The following TBC1D5 variants were observed in gnomAD, a reference collection of about 807,000 sequenced individuals.
TBC1D5 encodes the protein TBC1 domain family member 5, also known as TBC1 domain family, member 5.
TBC1D5 carries 75 observed loss-of-function variants against 100.3 expected under a neutral mutation model. The ratio of observed to expected loss-of-function variants is 0.75; its 90% CI spans 0.62 to 0.91. TBC1D5 has a LOEUF of 0.91. Ranked by LOEUF, TBC1D5 falls within the 40% of genes least tolerant of loss-of-function variation. The probability of loss-of-function intolerance (pLI) is 0.00; values close to 1 mark genes in which losing one functional copy is unlikely to be tolerated. For missense variants in TBC1D5, 910 were observed against 942.4 expected, an observed-to-expected ratio of 0.97 and a Z score of 0.45; for synonymous variants, 323 against 325.6, an observed-to-expected ratio of 0.99 and a Z score of 0.09.
intron 3 of TBC1D5, among the ~76,000 whole-genome samples, chr3:17,453,567 T>G (rs957081924): frequency 6.6e-6 from 1 of 152,150 alleles, no homozygotes; most frequent in African/African-American, 2.4e-5. Flanking sequence ...AATGTTTAAA[T>G]TCCTAGACAC....
intron 1 of TBC1D5, among the ~76,000 whole-genome samples, chr3:17,704,175 C>T (rs2073632990): frequency 7.2e-6 from 1 of 138,568 alleles, no homozygotes; most frequent in Non-Finnish European, 1.6e-5. Context: ...CATCTTGCAC[C>T]GCCCTTAATC....
intron 13 of TBC1D5, among the ~76,000 whole-genome samples, chr3:17,371,473 G>C (rs1040844990): frequency 3.3e-5 from 5 of 152,160 alleles, no homozygotes; most frequent in Admixed American, 2.6e-4. Flanking sequence ...AATAATTATG[G>C]CTCTGAGTTA....
chr3:17,694,292 C>T (rs1457521590), intron 1 of TBC1D5, among the ~76,000 whole-genome samples: 1 of 152,170 alleles, frequency 6.6e-6, no homozygotes, highest in East Asian at 1.9e-4. Flanking sequence ...TAATAACAAA[C>T]TTTTCCGAGC....
chr3:17,637,188 A>ATTTTT lies in TBC1D5; in HGVS notation c.-100-13280_-100-13276dup, dbSNP rs1186523023. Among the ~76,000 whole-genome samples the ATTTTT allele has an allele frequency of 9.4e-4, 90 of 95,486 alleles. 1 individual carries two copies. The highest frequency in any genetic ancestry group is 1.6e-3 in the East Asian group (5 of 3,088). 62.6% of individuals were successfully genotyped at this position (95,486 alleles called of 152,430 possible). ...GGGTGTGTGCCACCATGCCCGACTA[A>ATTTTT]TTTTTTTTTTTTTTTTTTTTTTTTT... is the stretch of plus-strand genomic sequence containing the variant. On this transcript the variant is annotated intron_variant, in intron 1 of 21. Transcript: ENST00000253692.
intron 1 of TBC1D5, among the ~76,000 whole-genome samples, chr3:17,636,150 G>T (rs186355538): frequency 6.6e-6 from 1 of 152,124 alleles, no homozygotes; most frequent in East Asian, 1.9e-4. Flanking sequence ...TTTCGCTGCT[G>T]TACTCTAGCC....
At chr3:17,183,092 G>A (rs989830651) in intron 19 of TBC1D5, among the ~76,000 whole-genome samples, 3 of 152,112 alleles carry the variant, frequency 2.0e-5, no homozygotes, top group African/African-American at 7.2e-5. Flanking sequence ...CCTCCAGTAT[G>A]CCTGAGATGA....
chr3:17,168,664 G>A (rs2066880520), intron 19 of TBC1D5, among the ~76,000 whole-genome samples: 1 of 152,162 alleles, frequency 6.6e-6, no homozygotes, highest in Admixed American at 6.5e-5. Flanking sequence ...ATGTGCTGGT[G>A]GAGGAAGGGA....
chr3:17,528,623 A>AC (rs560601391), intron 2 of TBC1D5, among the ~76,000 whole-genome samples: 234 of 151,872 alleles, frequency 1.5e-3, no homozygotes, highest in African/African-American at 5.3e-3. Flanking sequence ...CTCCTCTTTC[A>AC]CCCCCCCATT....
At chr3:17,674,009 T>G (rs1024070675) in intron 1 of TBC1D5, among the ~76,000 whole-genome samples, 1 of 152,206 alleles carries the variant, frequency 6.6e-6, no homozygotes, top group African/African-American at 2.4e-5. Flanking sequence ...CCCAATTCCT[T>G]GACTCTGACT....
intron 3 of TBC1D5, among the ~76,000 whole-genome samples, chr3:17,472,890 A>G (rs896985930): frequency 1.3e-5 from 2 of 152,244 alleles, no homozygotes; most frequent in East Asian, 1.9e-4. Flanking sequence ...CTAAATATTA[A>G]CATTAATGCC....
intron 17 of TBC1D5, among the ~76,000 whole-genome samples, chr3:17,222,494 C>T (rs146198589): frequency 1.2e-3 from 178 of 152,104 alleles, no homozygotes; most frequent in African/African-American, 4.1e-3. Context: ...TTTTTTCTTC[C>T]CATTTGAATG....
intron 3 of TBC1D5, among the ~76,000 whole-genome samples, chr3:17,443,990 A>G (rs997142311): frequency 7.9e-5 from 10 of 127,326 alleles, no homozygotes; most frequent in East Asian, 4.2e-4. Context: ...TCAAAATCAC[A>G]TAAGTCTTCA....
chr3:17,530,028 G>A (rs927531278), intron 2 of TBC1D5, among the ~76,000 whole-genome samples: 1 of 152,046 alleles, frequency 6.6e-6, no homozygotes. Context: ...TGGATCACCC[G>A]AGGTCAGGAG....
intron 2 of TBC1D5, among the ~76,000 whole-genome samples, chr3:17,513,724 C>A (rs1009202720): frequency 5.3e-5 from 8 of 152,124 alleles, no homozygotes; most frequent in African/African-American, 1.7e-4. Flanking sequence ...GAAAAGCACA[C>A]CAAAGAGCTT....
chr3:17,702,874 A>G (rs1268074764), intron 1 of TBC1D5, among the ~76,000 whole-genome samples: 1 of 152,156 alleles, frequency 6.6e-6, no homozygotes, highest in Non-Finnish European at 1.5e-5. Context: ...ATCCATACTT[A>G]ATCATGAACA....
intron 3 of TBC1D5, among the ~76,000 whole-genome samples, chr3:17,433,574 T>C (rs895750488): frequency 6.6e-6 from 1 of 152,168 alleles, no homozygotes; most frequent in Non-Finnish European, 1.5e-5. Flanking sequence ...GGGTCTCTCC[T>C]GTAACACCTG....
chr3:17,274,301 G>GA (rs752679359), intron 15 of TBC1D5, among the ~76,000 whole-genome samples: 6 of 152,164 alleles, frequency 3.9e-5, no homozygotes, highest in African/African-American at 4.8e-5. Flanking sequence ...AATATATGCT[G>GA]AAATTTTTTA....
intron 3 of TBC1D5, among the ~76,000 whole-genome samples, chr3:17,442,586 G>C (rs2094689495): frequency 6.6e-6 from 1 of 152,170 alleles, no homozygotes; most frequent in Non-Finnish European, 1.5e-5. Context: ...TGTATGAAAA[G>C]ACACAAATCC....
At chr3:17,508,233 A>C (rs1341452179) in intron 3 of TBC1D5, among the ~76,000 whole-genome samples, 1 of 152,214 alleles carries the variant, frequency 6.6e-6, no homozygotes, top group Non-Finnish European at 1.5e-5. Context: ...TTATTATTTT[A>C]TTTTAAAGAA....
Sources: gnomAD v4.1 joint callset for allele counts (sites outside exome capture counted in the v4.1 genomes callset) on GRCh38, gnomAD v4.1.1 for gene constraint, MANE v1.5 for transcripts, NCBI Gene and HGNC (gene_info 2026-07-23, HGNC 2026-07-21) for gene names.